NOTCH4: variants seen among roughly 807,000 people sequenced by gnomAD.
NOTCH4 encodes notch receptor 4.
A neutral mutation model predicts 189.0 loss-of-function variants in NOTCH4; 138 were observed. The observed-to-expected ratio is 0.73, with a 90% CI of 0.64 to 0.84. The LOEUF is 0.84. NOTCH4 is among the 40% of genes least tolerant of loss of function. NOTCH4 has a pLI of 0.00. For missense variants in NOTCH4, 2,286 were observed against 2,605.4 expected, an observed-to-expected ratio of 0.88 and a Z score of 2.67; for synonymous variants, 942 against 1,032.8, an observed-to-expected ratio of 0.91 and a Z score of 1.69.
In NOTCH4 at chr6:32,210,136, G is replaced by T. The variant is rs992618531; in HGVS notation, c.2865+616C>A. Among the ~76,000 whole-genome samples the T allele has an allele frequency of 2.0e-5, 3 of 152,160 alleles. No individual in the cohort carries two copies. Among genetic ancestry groups the T allele is most frequent in the East Asian group, 1.9e-4 (1 of 5,202 alleles). On this transcript the variant is annotated intron_variant, in intron 18 of 29. Transcript: ENST00000375023. The surrounding 1 kb of genome is among the most constrained non-coding windows in gnomAD (Gnocchi z 4.8). Reference sequence around the variant, plus strand: ...AAGTTAGGGACATCTTCCTGAAGAAGATGCCTCCTGAACACCAGCCTGTGG... The same window carrying T: ...AAGTTAGGGACATCTTCCTGAAGAATATGCCTCCTGAACACCAGCCTGTGG...
chr6:32,222,949 C>A lies in NOTCH4; in HGVS notation c.155+56G>T, dbSNP rs879213245. The A allele has an allele frequency of 4.1e-5, 64 of 1,557,968 alleles. 2 individuals carry two copies. The highest frequency in any genetic ancestry group is 1.9e-4 in the South Asian group (17 of 89,830). On this transcript the variant is annotated intron_variant, in intron 2 of 29. Transcript: ENST00000375023. Reference sequence around the variant, plus strand: ...TGGTCTCACTTCCTCACCTCTCCCCCCCTGCTCTCCCTCCCCCTTTCTCTC... The same window carrying A: ...TGGTCTCACTTCCTCACCTCTCCCCACCTGCTCTCCCTCCCCCTTTCTCTC...
chr6:32,221,083 C>A lies in NOTCH4; in HGVS notation c.694G>T (p.Glu232Ter). The A allele has an allele frequency of 6.2e-7, 1 of 1,613,144 alleles. No homozygotes were observed. The highest frequency in any genetic ancestry group is 8.5e-7 in the Non-Finnish European group (1 of 1,179,976). ...GGAGGGCAGGGTCCTGCCCGCAGCT[C>A]ACAACGTGGACCCTCCTGCCCCACA... ...CPVGQEGPRC[E>*]LRAGPCPPRG... The change falls in exon 4 of 30, where the codon GAG becomes TAG. Residue 232 changes from glutamate (E) to a stop codon, truncating the protein, a stop_gained. Transcript: ENST00000375023. LOFTEE classifies it high-confidence loss of function. This position sits in a 1 kb window ranked among gnomAD's most constrained non-coding sequence, Gnocchi z 4.3.
rs768664734 is a variant in NOTCH4, at chr6:32,212,858, A to G, written c.2492T>C (p.Leu831Pro). Reference sequence around the variant, plus strand: ...GCCTCCGGTGTAGCCAGTGGGGCAGAGGCAGCGGGGACCCTGAGGGCTGTC... The same window carrying G: ...GCCTCCGGTGTAGCCAGTGGGGCAGGGGCAGCGGGGACCCTGAGGGCTGTC... ...CQDSPQGPRC[L>P]CPTGYTGGSC... Residue 831 changes from leucine to proline, a missense_variant, in exon 16 of 30, where the codon CTC becomes CCC. This residue lies in a region of NOTCH4 where 1,903 missense variants were observed against 2,261.9 expected (regional missense o/e 0.84). Coordinates refer to ENST00000375023, the MANE Select transcript of NOTCH4 (RefSeq NM_004557.4). This position sits in a 1 kb window ranked among gnomAD's most constrained non-coding sequence, Gnocchi z 4.4. The G allele has an allele frequency of 3.9e-6, 6 of 1,552,348 alleles. No individual in the cohort carries two copies. The South Asian group carries it at 5.9e-5, about 15-fold the overall frequency.
intron 18 of NOTCH4, among the ~76,000 whole-genome samples, chr6:32,204,901 A>G (rs1243139132): frequency 6.6e-6 from 1 of 152,168 alleles, no homozygotes; most frequent in Non-Finnish European, 1.5e-5. Context: ...GGGTTATCTC[A>G]TTCGATTTTT....
chr6:32,195,942 T>A lies in NOTCH4; in HGVS notation c.5507A>T (p.Glu1836Val), dbSNP rs1307688640. ...CCGTGCGCGCGGGAAGGGCCCAGCC[T>A]CGCGGCCCGGCGTGGCTTTGTGACG... is the stretch of plus-strand genomic sequence containing the variant. ...EARHKATPGR[E>V]AGPFPRARTV... Residue 1836 changes from glutamate to valine, a missense_variant, in exon 30 of 30, where the codon GAG becomes GTG. Glu to Val is a moderately radical substitution (Grantham distance 121, BLOSUM62 -2). Transcript: ENST00000375023. This position sits in a 1 kb window ranked among gnomAD's most constrained non-coding sequence, Gnocchi z 5.4. 6.3e-7 allele frequency: 1 copy of A among 1,591,354 alleles called. No individual in the cohort carries two copies. The highest frequency in any genetic ancestry group is 1.1e-5 in the South Asian group (1 of 89,982).
chr6:32,196,093 G>A lies in NOTCH4; in HGVS notation c.5356C>T (p.Leu1786=), dbSNP rs2127459148. 3 of 1,592,994 alleles carry A rather than the reference G, an allele frequency of 1.9e-6. No homozygotes were observed. Among genetic ancestry groups the A allele is most frequent in the Non-Finnish European group, 2.5e-6 (3 of 1,176,792 alleles). Residue 1786 remains leucine (L), a synonymous_variant, in exon 30 of 30, where the codon CTG becomes TTG. Coordinates refer to ENST00000375023, the MANE Select transcript of NOTCH4 (RefSeq NM_004557.4). The part of the protein sequence containing the change: ...REGAVEVAQL[L]LGLGAARELR... ...TCTCGGGCTGCCCCCAGCCCCAGCA[G>A]TAGCTGGGCTACTTCCACCGCTCCT... is the stretch of plus-strand genomic sequence containing the variant.
rs573999870 is a variant in NOTCH4, at chr6:32,198,186, C to T, written c.4756+235G>A. 7.2e-5 allele frequency among the ~76,000 whole-genome samples: 11 copies of T among 152,186 alleles called. No homozygotes were observed. The highest frequency in any genetic ancestry group is 1.3e-4 in the Non-Finnish European group (9 of 68,046). On this transcript the variant is annotated intron_variant, in intron 26 of 29. Coordinates refer to ENST00000375023, the MANE Select transcript of NOTCH4 (RefSeq NM_004557.4). This position sits in a 1 kb window ranked among gnomAD's most constrained non-coding sequence, Gnocchi z 5.5. ...TGAAGGGCTTGTTAAAACAGATTGCCTAACATTTTAAATTCCTGAGTCAGT... is the reference window on the plus strand; with the variant it reads ...TGAAGGGCTTGTTAAAACAGATTGCTTAACATTTTAAATTCCTGAGTCAGT...
At chr6:32,197,188 C>T in intron 27 of NOTCH4, 111 bp downstream of exon 27, 2 of 1,518,102 alleles carry the variant, frequency 1.3e-6, no homozygotes, top group Non-Finnish European at 1.8e-6. Context: ...GTTTCCCTGT[C>T]AGGTTCCCAA....
chr6:32,218,178 G>A (rs1480148336), intron 8 of NOTCH4, 70 bp from the exon 9 acceptor site: 7 of 1,023,816 alleles, frequency 6.8e-6, no homozygotes, highest in Non-Finnish European at 1.0e-5. Context: ...TTCTAGAATC[G>A]GCCCTGCTCC....
Position 32,200,895 on chromosome 6 carries a change from T to C in NOTCH4, c.4251A>G (p.Ala1417=). 1 of 1,609,418 alleles carries C rather than the reference T, an allele frequency of 6.2e-7. No individual in the cohort carries two copies. Among genetic ancestry groups the C allele is most frequent in the Non-Finnish European group, 8.5e-7 (1 of 1,178,406 alleles). Residue 1417 remains alanine, a synonymous_variant, in exon 23 of 30, where the codon GCA becomes GCG. Coordinates refer to ENST00000375023, the MANE Select transcript of NOTCH4 (RefSeq NM_004557.4). The surrounding 1 kb of genome is among the most constrained non-coding windows in gnomAD (Gnocchi z 5.0). ...GCAGCAGGGGCTCCAGGGCTCCCAC[T>C]GCAGCCATCGCAGCAAGGAAGCGGA... is the stretch of plus-strand genomic sequence containing the variant. ...LLLRFLAAMA[A]VGALEPLLPG... is the part of the protein sequence containing the mutation.
rs775440106 is a variant in NOTCH4, at chr6:32,197,548, C to G, written c.4803G>C (p.Gln1601His). 1.2e-6 allele frequency: 2 copies of G among 1,612,880 alleles called. No homozygotes were observed. Among genetic ancestry groups the G allele is most frequent in the South Asian group, 2.2e-5 (2 of 90,872 alleles). Reference protein sequence around the residue: ...LMSAVCCGEVQSGTFQGAWLG... With the variant: ...LMSAVCCGEVHSGTFQGAWLG... ...ACCATGCCCCTTGGAAGGTCCCGGA[C>G]TGTACTTCCCCACAGCAAACTGCTG... The change falls in exon 27 of 30, where the codon CAG (glutamine) becomes CAC (histidine). Residue 1601 changes from glutamine (Q) to histidine (H), a missense_variant. By Grantham distance (24) the Gln-to-His change is conservative. Around this residue, in one of 2 missense-constraint regions of NOTCH4, gnomAD observed 1,903 missense variants for 2,261.9 expected, o/e 0.84. Coordinates refer to ENST00000375023, the MANE Select transcript of NOTCH4 (RefSeq NM_004557.4).
rs1789089522 is a variant in NOTCH4, at chr6:32,212,547, C to T, written c.2607G>A (p.Leu869=). ...GAGGCCCGGTCCATCCCTGGAGGCA[C>T]AAGCAGTGGAAGGAGGGCCCAGTCT... is the stretch of plus-strand genomic sequence containing the variant. The part of the protein sequence containing the change: ...CLQTGPSFHC[L]CLQGWTGPLC... Residue 869 remains leucine, a synonymous_variant, in exon 17 of 30, where the codon TTG becomes TTA. Transcript: ENST00000375023. The surrounding 1 kb of genome is among the most constrained non-coding windows in gnomAD (Gnocchi z 4.4). 3.7e-6 allele frequency: 6 copies of T among 1,613,122 alleles called. No homozygotes were observed. The highest frequency in any genetic ancestry group is 5.1e-6 in the Non-Finnish European group (6 of 1,179,980).
rs1301408879 is a variant in NOTCH4 at position 32,207,649 on chromosome 6, GA to G, written c.2865+3102del. 1.1e-3 allele frequency among the ~76,000 whole-genome samples: 163 copies of G among 145,320 alleles called. 1 individual carries two copies. The highest frequency in any genetic ancestry group is 2.0e-3 in the Non-Finnish European group (135 of 66,202). On this transcript the variant is annotated intron_variant, in intron 18 of 29. Transcript: ENST00000375023. ...TCTATCCCCCCCCCCCAAAAAAAAA[GA>G]AAAAAAGAAACTAAATCTCTATCTG...
chr6:32,213,739 G>A lies in NOTCH4; in HGVS notation c.2269C>T (p.Pro757Ser). The A allele has an allele frequency of 1.9e-6, 3 of 1,612,784 alleles. No homozygotes were observed. The highest frequency in any genetic ancestry group is 1.7e-6 in the Non-Finnish European group (2 of 1,180,000). The change falls in exon 14 of 30, where the codon CCA becomes TCA. Residue 757 changes from proline to serine, a missense_variant. Pro to Ser is a moderately conservative substitution (Grantham distance 74). Around this residue, in one of 2 missense-constraint regions of NOTCH4, gnomAD observed 1,903 missense variants for 2,261.9 expected, o/e 0.84. Coordinates refer to ENST00000375023, the MANE Select transcript of NOTCH4 (RefSeq NM_004557.4). The part of the protein sequence containing the change: ...SPGGYYCTCP[P>S]SHTGPQCQTS... The stretch of plus-strand genomic sequence containing the variant: ...TGGCACTGGGGCCCTGTGTGGCTTG[G>A]AGGGCAGGTGCAGTAGTAGCCTCCA...
chr6:32,195,649 A>G lies in NOTCH4; in HGVS notation c.5800T>C (p.Tyr1934His), dbSNP rs1045243292. 4 of 1,612,810 alleles carry G rather than the reference A, an allele frequency of 2.5e-6. No homozygotes were observed. The highest frequency in any genetic ancestry group is 3.4e-6 in the Non-Finnish European group (4 of 1,179,948). ...CCTCCGCGCCCGGCAGCCACTCCGT[A>G]TCTTCCTCGCATTATCGCAGGGTTG... ...RPNPAIMRGR[Y>H]GVAAGRGGRV... Residue 1934 changes from tyrosine (Y) to histidine (H), a missense_variant, in exon 30 of 30, where the codon TAC becomes CAC. Tyr to His is a moderately conservative substitution (Grantham distance 83, BLOSUM62 2). Coordinates refer to ENST00000375023, the MANE Select transcript of NOTCH4 (RefSeq NM_004557.4). This position sits in a 1 kb window ranked among gnomAD's most constrained non-coding sequence, Gnocchi z 5.4.
rs776254898 is a variant in NOTCH4 at position 32,194,852 on chromosome 6, A to C, written c.*585T>G. ...TTCCTCCAAAAAAAGGTAACACTTC[A>C]AATCAGCTTTATTATGGGTGACAGA... On this transcript the variant is annotated 3_prime_UTR_variant, in exon 30 of 30. Transcript: ENST00000375023. This position sits in a 1 kb window ranked among gnomAD's most constrained non-coding sequence, Gnocchi z 4.5. 3.0e-5 allele frequency: 7 copies of C among 233,192 alleles called. No homozygotes were observed. Among genetic ancestry groups the C allele is most frequent in the Non-Finnish European group, 5.9e-5 (7 of 118,066 alleles). 14.4% of individuals were successfully genotyped at this position (233,192 alleles called of 1,614,324 possible).
At position 32,204,627 on chromosome 6, in the gene NOTCH4, G is replaced by T. The variant is rs534393486; in HGVS notation, c.2866-238C>A. Among the ~76,000 whole-genome samples the T allele has an allele frequency of 7.2e-5, 11 of 152,252 alleles. No individual in the cohort carries two copies. The South Asian group carries it at 2.3e-3, about 32-fold the overall frequency. On this transcript the variant is annotated intron_variant, in intron 18 of 29. Transcript: ENST00000375023. ...TCCCAAACAATCTCTATGACACACT[G>T]CCACCAAACACAGCACCATTTTTGG... is the stretch of plus-strand genomic sequence containing the variant.
At position 32,195,816 on chromosome 6, in the gene NOTCH4, T is replaced by A. The variant is rs1787853129; in HGVS notation, c.5633A>T (p.Gln1878Leu). ...AGPRGGGACL[Q>L]ARTWSVDLAA... ...CAAGTCTACGGACCAAGTCCGAGCC[T>A]GCAGACAAGCTCCGCCCCCACGAGG... The change falls in exon 30 of 30, where the codon CAG becomes CTG. Residue 1878 changes from glutamine (Q) to leucine (L), a missense_variant. By Grantham distance (113) the Gln-to-Leu change is moderately radical (BLOSUM62 -2). Transcript: ENST00000375023. This position sits in a 1 kb window ranked among gnomAD's most constrained non-coding sequence, Gnocchi z 5.4. The A allele has an allele frequency of 1.2e-6, 2 of 1,601,198 alleles. No individual in the cohort carries two copies. The highest frequency in any genetic ancestry group is 2.2e-5 in the East Asian group (1 of 44,836).
At chr6:32,214,398 G>T in intron 12 of NOTCH4, 143 bp from the exon 13 acceptor site, 1 of 770,420 alleles carries the variant, frequency 1.3e-6, no homozygotes, top group Non-Finnish European at 2.1e-6. Flanking sequence ...TCTCAGCACC[G>T]CCCCCATCCT....
Sources: allele counts gnomAD v4.1 joint callset (sites outside exome capture counted in the v4.1 genomes callset), GRCh38; gene constraint gnomAD v4.1.1; regional missense constraint gnomAD v4.1.1; non-coding constraint Gnocchi (gnomAD v3.1); transcripts MANE v1.5; gene names NCBI Gene and HGNC (gene_info 2026-07-23, HGNC 2026-07-21).